Variants in NAALADL2 observed in about 807,000 individuals in gnomAD.
NAALADL2 encodes the protein inactive N-acetylated-alpha-linked acidic dipeptidase-like protein 2.
A neutral mutation model predicts 87.2 loss-of-function variants in NAALADL2; 76 were observed. That is an observed-to-expected ratio of 0.87 (90% confidence interval 0.72 to 1.05). The LOEUF is 1.05. NAALADL2 is among the 50% of genes least tolerant of loss of function. NAALADL2 has a pLI of 0.00. For missense variants in NAALADL2, 1,089 were observed against 945.8 expected, an observed-to-expected ratio of 1.15 and a Z score of -1.99; for synonymous variants, 354 against 331.0, an observed-to-expected ratio of 1.07 and a Z score of -0.75.
At chr3:175,253,436 A>T (rs1580258) in intron 3 of NAALADL2, among the ~76,000 whole-genome samples, 65,680 of 151,924 alleles carry the variant, frequency 0.43, 14,615 homozygotes, top group East Asian at 0.53. Flanking sequence ...CCTTTCAAAA[A>T]ATTATTGCTC....
At chr3:175,042,369 C>A (rs1225178831) in intron 1 of NAALADL2, among the ~76,000 whole-genome samples, 1 of 152,022 alleles carries the variant, frequency 6.6e-6, no homozygotes, top group Non-Finnish European at 1.5e-5. Flanking sequence ...AGGTTGTTTC[C>A]ATATTTTGAC....
intron 9 of NAALADL2, among the ~76,000 whole-genome samples, chr3:175,549,885 A>G (rs982061866): frequency 6.6e-6 from 1 of 152,034 alleles, no homozygotes; most frequent in Admixed American, 6.6e-5. Context: ...AAAGAAAATC[A>G]TATCAATTTT....
At chr3:175,442,377 A>C (rs1467092082) in intron 5 of NAALADL2, among the ~76,000 whole-genome samples, 1 of 152,190 alleles carries the variant, frequency 6.6e-6, no homozygotes, top group East Asian at 1.9e-4. Flanking sequence ...GTGGGCATCA[A>C]CAGTTTGAAA....
At chr3:175,134,841 A>G (rs535106161) in intron 2 of NAALADL2, among the ~76,000 whole-genome samples, 2 of 152,316 alleles carry the variant, frequency 1.3e-5, no homozygotes, top group East Asian at 3.9e-4. Context: ...AAGATAACTG[A>G]TTTTTTAAAA....
intron 11 of NAALADL2, among the ~76,000 whole-genome samples, chr3:175,651,092 GTTTTC>G (rs1286988939): frequency 1.3e-5 from 2 of 151,956 alleles, no homozygotes; most frequent in Non-Finnish European, 2.9e-5. Context: ...TATTAAAAGT[GTTTTC>G]TTTTTTAATC....
intron 1 of NAALADL2, among the ~76,000 whole-genome samples, chr3:174,906,721 T>A (rs1418324135): frequency 6.6e-6 from 1 of 152,066 alleles, no homozygotes; most frequent in African/African-American, 2.4e-5. Context: ...GAAACCTTGA[T>A]CCAGAAGCTC....
intron 9 of NAALADL2, among the ~76,000 whole-genome samples, chr3:175,494,649 T>C (rs879489712): frequency 2.0e-5 from 3 of 152,084 alleles, no homozygotes; most frequent in Non-Finnish European, 4.4e-5. Context: ...GGAAAACTGT[T>C]CTACACTGAT....
At chr3:174,446,516 A>G (rs570574648) in intron 1 of NAALADL2, among the ~76,000 whole-genome samples, 12 of 152,152 alleles carry the variant, frequency 7.9e-5, no homozygotes, top group Non-Finnish European at 1.3e-4. Context: ...TACAATTATC[A>G]TTGGTGATAA....
chr3:175,428,385 C>T (rs1717178344), intron 5 of NAALADL2, among the ~76,000 whole-genome samples: 1 of 152,122 alleles, frequency 6.6e-6, no homozygotes, highest in African/African-American at 2.4e-5. Flanking sequence ...CTTCATTCCA[C>T]TTTATAACAA....
intron 3 of NAALADL2, among the ~76,000 whole-genome samples, chr3:174,825,098 A>G (rs536226640): frequency 6.6e-6 from 1 of 152,310 alleles, no homozygotes; most frequent in East Asian, 1.9e-4. Flanking sequence ...ATTATTTTCC[A>G]GAAAAATAGA....
rs150993951 is a variant in NAALADL2 at position 175,412,051 on chromosome 3, G to A, written c.1091-35178G>A. On this transcript the variant is annotated intron_variant, in intron 5 of 13. Coordinates refer to ENST00000454872, the MANE Select transcript of NAALADL2 (RefSeq NM_207015.3). ...TAAATGCCCAAGGCTCTGCCCAAAG[G>A]GAGAACTTCTGTCTGAGTCAGAATC... is the stretch of plus-strand genomic sequence containing the variant. Among the ~76,000 whole-genome samples, 195 of 152,258 alleles carry A rather than the reference G, an allele frequency of 1.3e-3. 1 individual carries two copies. The highest frequency in any genetic ancestry group is 6.8e-3 in the Middle Eastern group (2 of 294).
chr3:174,494,921 T>C (rs1718419529), intron 1 of NAALADL2, among the ~76,000 whole-genome samples: 1 of 152,134 alleles, frequency 6.6e-6, no homozygotes, highest in Non-Finnish European at 1.5e-5. Context: ...GAGGTAATTA[T>C]GGAATTTTCA....
chr3:175,697,837 T>G (rs13060536), intron 11 of NAALADL2, among the ~76,000 whole-genome samples: 1,392 of 85,208 alleles, frequency 0.016, 40 homozygotes, highest in African/African-American at 0.042. Context: ...ATATGTGTAT[T>G]TATGTATACA....
At chr3:174,882,341 A>G (rs543701725) in intron 1 of NAALADL2, among the ~76,000 whole-genome samples, 2 of 152,058 alleles carry the variant, frequency 1.3e-5, no homozygotes, top group African/African-American at 4.8e-5. Context: ...TGAAACAATT[A>G]GAAAAGGACA....
At chr3:175,087,795 A>T (rs1289931637) in intron 1 of NAALADL2, among the ~76,000 whole-genome samples, 2 of 151,908 alleles carry the variant, frequency 1.3e-5, no homozygotes, top group East Asian at 3.9e-4. Context: ...TCCTCTGCCT[A>T]GGAAAACCAG....
intron 1 of NAALADL2, among the ~76,000 whole-genome samples, chr3:174,454,202 A>C (rs1277817806): frequency 6.6e-6 from 1 of 152,178 alleles, no homozygotes; most frequent in Non-Finnish European, 1.5e-5. Context: ...AACTTTCCTA[A>C]ATATATATGC....
At chr3:175,545,930 G>A (rs1713234014) in intron 9 of NAALADL2, among the ~76,000 whole-genome samples, 1 of 152,094 alleles carries the variant, frequency 6.6e-6, no homozygotes, top group South Asian at 2.1e-4. Flanking sequence ...AAGACAAAGT[G>A]ATTTATATGG....
chr3:175,541,931 G>A (rs560386494), intron 9 of NAALADL2, among the ~76,000 whole-genome samples: 4 of 152,228 alleles, frequency 2.6e-5, no homozygotes, highest in Admixed American at 6.5e-5. Flanking sequence ...ATGTTGGCCA[G>A]GCTGTTCTCA....
At chr3:174,730,990 T>C (rs1732648895) in intron 2 of NAALADL2, among the ~76,000 whole-genome samples, 1 of 152,116 alleles carries the variant, frequency 6.6e-6, no homozygotes. Context: ...TATAACACAA[T>C]TATAAATTTT....
Sources: gnomAD v4.1 joint callset for allele counts (sites outside exome capture counted in the v4.1 genomes callset) on GRCh38, gnomAD v4.1.1 for gene constraint, MANE v1.5 for transcripts, NCBI Gene and HGNC (gene_info 2026-07-23, HGNC 2026-07-21) for gene names.